Variants in DIP2C observed in about 807,000 individuals in gnomAD.
DIP2C encodes the protein DIP2 acetate--CoA ligase C (putative).
Under a neutral mutation model 192.4 loss-of-function variants are expected in DIP2C, and 33 were observed. That is an observed-to-expected ratio of 0.17 (90% CI 0.13 to 0.23). DIP2C has a LOEUF of 0.23. DIP2C is among the 10% of genes least tolerant of loss of function. The pLI, the probability that DIP2C is intolerant of heterozygous loss-of-function variation, is 1.00. For synonymous variants in DIP2C, 979 were observed against 864.1 expected, an observed-to-expected ratio of 1.13 and a Z score of -2.33; for missense variants, 1,537 against 2,110.1, an observed-to-expected ratio of 0.73 and a Z score of 5.32.
At position 597,027 on chromosome 10, in the gene DIP2C, T is replaced by TGC. The variant is rs1391700361; in HGVS notation, c.85+92465_85+92466dup. Among the ~76,000 whole-genome samples, 8 of 152,352 alleles carry TGC rather than the reference T, an allele frequency of 5.3e-5. 1 individual carries two copies. In the East Asian group the frequency reaches 1.2e-3, roughly 22 times the overall value. ...ATTATTTCTGTGTGAGATGTGTGTT[T>TGC]GCCTCTGGACTGAGTGGAGACTAAG... On this transcript the variant is annotated intron_variant, in intron 1 of 36. Coordinates refer to ENST00000280886, the MANE Select transcript of DIP2C (RefSeq NM_014974.3).
Position 348,690 on chromosome 10 carries a change from T to G in DIP2C, c.3182A>C (p.His1061Pro), listed in dbSNP as rs1293245411. The change falls in exon 26 of 37, where the codon CAC becomes CCC. Residue 1061 changes from histidine (H) to proline (P), a missense_variant. Transcript: ENST00000280886. ...GCVPITVRPP[H>P]PQNIATTLPT... is the part of the protein sequence containing the mutation. Reference sequence around the variant, plus strand: ...CAACGTCGTCGCGATGTTCTGTGGGTGCGGGGGACGGACGGTTATTGGCAC... The same window carrying G: ...CAACGTCGTCGCGATGTTCTGTGGGGGCGGGGGACGGACGGTTATTGGCAC... 6.2e-7 allele frequency: 1 copy of G among 1,613,914 alleles called. No homozygotes were observed. Among genetic ancestry groups the G allele is most frequent in the Admixed American group, 1.7e-5 (1 of 59,982 alleles).
intron 1 of DIP2C, among the ~76,000 whole-genome samples, chr10:566,207 G>C (rs903507665): frequency 4.6e-5 from 7 of 151,876 alleles, no homozygotes; most frequent in African/African-American, 1.7e-4. Flanking sequence ...TGTAATCGTA[G>C]TTACCATTAA....
At chr10:400,364 T>C (rs969637346) in intron 9 of DIP2C, among the ~76,000 whole-genome samples, 1 of 152,210 alleles carries the variant, frequency 6.6e-6, no homozygotes, top group African/African-American at 2.4e-5. Flanking sequence ...TGGTGTATCT[T>C]GACGAAGAAC....
chr10:332,902 TTTA>T (rs776216451), intron 29 of DIP2C, among the ~76,000 whole-genome samples: 2 of 152,152 alleles, frequency 1.3e-5, no homozygotes, highest in South Asian at 2.1e-4. Flanking sequence ...AATGAAGCAC[TTTA>T]TTATTTTTTA....
intron 17 of DIP2C, among the ~76,000 whole-genome samples, chr10:379,305 C>G (rs568116592): frequency 6.6e-6 from 1 of 151,836 alleles, no homozygotes; most frequent in South Asian, 2.1e-4. Flanking sequence ...CCGGAAGTGC[C>G]CGTGCATCCT....
chr10:362,829 T>C (rs1054980738), intron 21 of DIP2C, 138 bp from the exon 22 acceptor site: 3 of 1,006,676 alleles, frequency 3.0e-6, no homozygotes, highest in Non-Finnish European at 4.2e-6. Flanking sequence ...AATGCCAAGG[T>C]AAGAGAAAGG....
At chr10:594,588 G>A (rs1181743343) in intron 1 of DIP2C, among the ~76,000 whole-genome samples, 1 of 152,150 alleles carries the variant, frequency 6.6e-6, no homozygotes, top group African/African-American at 2.4e-5. Flanking sequence ...TAACATAAGG[G>A]AACGTGGCTG....
At chr10:603,982 C>A (rs1380439560) in intron 1 of DIP2C, among the ~76,000 whole-genome samples, 1 of 150,626 alleles carries the variant, frequency 6.6e-6, no homozygotes, top group African/African-American at 2.4e-5. Flanking sequence ...CAAGCCCCTC[C>A]GGCCCCAGCT....
intron 3 of DIP2C, among the ~76,000 whole-genome samples, chr10:466,985 G>T (rs1250925724): frequency 1.3e-5 from 2 of 150,312 alleles, no homozygotes; most frequent in Admixed American, 6.7e-5. Context: ...CGATTCCTCA[G>T]GGATCTAGAA....
At chr10:546,971 A>C (rs546239862) in intron 1 of DIP2C, among the ~76,000 whole-genome samples, 3 of 152,356 alleles carry the variant, frequency 2.0e-5, no homozygotes, top group Non-Finnish European at 2.9e-5. Context: ...GCAAATACCT[A>C]TCTCTTAAGT....
chr10:475,204 C>G (rs1198387872), intron 2 of DIP2C, among the ~76,000 whole-genome samples: 1 of 152,210 alleles, frequency 6.6e-6, no homozygotes, highest in Non-Finnish European at 1.5e-5. Context: ...GCTTCCTGGA[C>G]ACCGTTCTCT....
chr10:367,288 G>A (rs1323610414), intron 18 of DIP2C, among the ~76,000 whole-genome samples: 4 of 151,968 alleles, frequency 2.6e-5, no homozygotes, highest in Non-Finnish European at 4.4e-5. Context: ...GCAGTGGCGG[G>A]CGCCTGTAGT....
At chr10:584,471 C>T (rs543537171) in intron 1 of DIP2C, among the ~76,000 whole-genome samples, 118 of 143,058 alleles carry the variant, frequency 8.2e-4, no homozygotes, top group African/African-American at 3.0e-3. Flanking sequence ...TCTCGGGGCC[C>T]GCAACCTGGC....
At chr10:291,904 G>C (rs896112707) in intron 32 of DIP2C, among the ~76,000 whole-genome samples, 2 of 152,238 alleles carry the variant, frequency 1.3e-5, no homozygotes, top group African/African-American at 2.4e-5. Flanking sequence ...TGGACTCCGG[G>C]AGCCAGAGGG....
chr10:569,240 A>G (rs1287271011), intron 1 of DIP2C, among the ~76,000 whole-genome samples: 4 of 152,234 alleles, frequency 2.6e-5, no homozygotes, highest in Non-Finnish European at 5.9e-5. Context: ...AGAAGCTTCT[A>G]GCTTTGCTGT....
intron 31 of DIP2C, among the ~76,000 whole-genome samples, chr10:317,575 T>G (rs1448036607): frequency 6.6e-6 from 1 of 152,238 alleles, no homozygotes; most frequent in Non-Finnish European, 1.5e-5. Flanking sequence ...TTCTTGCTTT[T>G]TGGTTCAAGA....
At chr10:492,710 G>C (rs1000357123) in intron 1 of DIP2C, among the ~76,000 whole-genome samples, 1 of 152,130 alleles carries the variant, frequency 6.6e-6, no homozygotes, top group Admixed American at 6.6e-5. Flanking sequence ...CCAGGCAGGT[G>C]GACAAGGTCA....
intron 1 of DIP2C, among the ~76,000 whole-genome samples, chr10:599,676 CCA>C (rs759641256): frequency 7.9e-5 from 12 of 152,190 alleles, no homozygotes; most frequent in African/African-American, 2.9e-4. Context: ...CCCCCTGGGG[CCA>C]CAGAGCCCAG....
At chr10:601,106 TTTGG>T (rs778268509) in intron 1 of DIP2C, among the ~76,000 whole-genome samples, 14 of 152,214 alleles carry the variant, frequency 9.2e-5, no homozygotes, top group African/African-American at 2.9e-4. Context: ...TACTCCCTTG[TTTGG>T]TTAAGAAAAA....
Sources: allele counts gnomAD v4.1 joint callset (sites outside exome capture counted in the v4.1 genomes callset), GRCh38; gene constraint gnomAD v4.1.1; transcripts MANE v1.5; gene names NCBI Gene and HGNC (gene_info 2026-07-23, HGNC 2026-07-21).